Variants in IPO5 observed in about 807,000 individuals in gnomAD.
The protein encoded by IPO5 is importin-5.
A neutral mutation model predicts 143.3 loss-of-function variants in IPO5; 18 were observed. The ratio of observed to expected loss-of-function variants is 0.13; its 90% CI spans 0.09 to 0.19. IPO5 has a LOEUF of 0.19. IPO5 is among the 10% of genes least tolerant of loss of function. IPO5 has a pLI of 1.00. For synonymous variants in IPO5, 477 were observed against 465.7 expected (o/e 1.02, Z -0.31); for missense variants, 1,013 against 1,336.9 (o/e 0.76, Z 3.78).
intron 12 of IPO5, among the ~76,000 whole-genome samples, chr13:98,000,059 C>T (rs66700887): frequency 0.049 from 7,486 of 152,172 alleles, 455 homozygotes; most frequent in East Asian, 0.33. Flanking sequence ...CCCAGGCGGG[C>T]GCATCACAAA....
intron 13 of IPO5, 85 bp from the exon 14 acceptor site, chr13:98,002,382 A>T: frequency 7.4e-7 from 1 of 1,356,150 alleles, no homozygotes; most frequent in South Asian, 1.3e-5. Context: ...TCTTTTCCAA[A>T]TAAGAACTTT....
intron 2 of IPO5, among the ~76,000 whole-genome samples, chr13:97,956,521 C>A (rs1884475944): frequency 6.6e-6 from 1 of 152,152 alleles, no homozygotes; most frequent in Non-Finnish European, 1.5e-5. Context: ...CTTCCCTGGG[C>A]ACCCTATTTT....
rs564760944 is a variant in IPO5, at chr13:97,963,457, C to T, written c.-112-6266C>T. ...GAATCTCAGCTCACTGCAATCTCCG[C>T]CTCCTGGGTTCAAGCAATTCCCTTG... On this transcript the variant is annotated intron_variant, in intron 2 of 28. Coordinates refer to ENST00000651721, the MANE Select transcript of IPO5 (RefSeq NM_002271.6). 5.3e-5 allele frequency among the ~76,000 whole-genome samples: 8 copies of T among 151,768 alleles called. No individual in the cohort carries two copies. The East Asian group carries it at 1.6e-3, about 29-fold the overall frequency.
intron 12 of IPO5, among the ~76,000 whole-genome samples, chr13:97,998,119 G>A (rs960635871): frequency 6.6e-6 from 1 of 152,154 alleles, no homozygotes; most frequent in African/African-American, 2.4e-5. Flanking sequence ...GGGACTACAG[G>A]CACCTGCCAC....
rs1340219240 is a variant in IPO5, at chr13:98,010,266, TATATACATTTC to T, written c.2055+47_2055+57del. 3.2e-6 allele frequency: 5 copies of T among 1,569,856 alleles called. No individual in the cohort carries two copies. In the African/African-American group the frequency reaches 6.8e-5, roughly 21 times the overall value. ...TTTACTAAACTTTTATTTTACATCTTATATACATTTCATATGAGTGCTTTTAATAGCTGCTA... is the reference window on the plus strand; with the variant it reads ...TTTACTAAACTTTTATTTTACATCTTATATGAGTGCTTTTAATAGCTGCTA... On this transcript the variant is annotated intron_variant, in intron 20 of 28. Transcript: ENST00000651721.
intron 2 of IPO5, among the ~76,000 whole-genome samples, chr13:97,966,502 A>C (rs566487312): frequency 1.3e-5 from 2 of 152,132 alleles, no homozygotes; most frequent in African/African-American, 4.8e-5. Context: ...AATCCTCTCT[A>C]TATGTTGTTT....
At position 97,982,520 on chromosome 13, in the gene IPO5, C is replaced by A. The variant is rs1246259072; in HGVS notation, c.108C>A (p.Ile36=). The A allele has an allele frequency of 1.2e-6, 2 of 1,612,120 alleles. No individual in the cohort carries two copies. Among genetic ancestry groups the A allele is most frequent in the Non-Finnish European group, 1.7e-6 (2 of 1,178,648 alleles). ...CCATGCAGGAAACCTATGAGAATAT[C>A]CCAGGCCAGTCAAAGATCACATTCC... is the stretch of plus-strand genomic sequence containing the variant. ...RKQAEETYEN[I]PGQSKITFLL... The change falls in exon 5 of 29, where the codon ATC becomes ATA. Residue 36 remains isoleucine, a synonymous_variant. Coordinates refer to ENST00000651721, the MANE Select transcript of IPO5 (RefSeq NM_002271.6).
At chr13:97,986,779 G>T (rs952080341) in intron 6 of IPO5, among the ~76,000 whole-genome samples, 1 of 152,240 alleles carries the variant, frequency 6.6e-6, no homozygotes, top group East Asian at 1.9e-4. Context: ...TAATGTAATT[G>T]AACATGCTAC....
intron 16 of IPO5, 49 bp downstream of exon 16, chr13:98,003,086 G>C: frequency 6.9e-7 from 1 of 1,453,878 alleles, no homozygotes; most frequent in Non-Finnish European, 9.4e-7. Flanking sequence ...ATTAATTTGG[G>C]TTGATTTGAT....
At chr13:97,995,153 ATCTT>A (rs1404645253) in intron 11 of IPO5, among the ~76,000 whole-genome samples, 2 of 140,206 alleles carry the variant, frequency 1.4e-5, no homozygotes, top group African/African-American at 2.6e-5. Context: ...TTTCTGGGAT[ATCTT>A]TCTTTCATTC....
intron 2 of IPO5, among the ~76,000 whole-genome samples, chr13:97,955,151 C>T (rs751716496): frequency 6.6e-6 from 1 of 151,800 alleles, no homozygotes; most frequent in Non-Finnish European, 1.5e-5. Flanking sequence ...ATTCCTTGAG[C>T]TGGGGAGGTC....
chr13:98,002,821 G>T, intron 15 of IPO5, 43 bp from the exon 16 acceptor site: 1 of 1,599,282 alleles, frequency 6.3e-7, no homozygotes, highest in Non-Finnish European at 8.5e-7. Context: ...AGGAAGAAGG[G>T]TGGACATTTC....
chr13:98,016,037 A>C (rs559067182), intron 24 of IPO5, among the ~76,000 whole-genome samples: 5 of 152,364 alleles, frequency 3.3e-5, no homozygotes, highest in African/African-American at 1.2e-4. Flanking sequence ...GTTCATTTAC[A>C]TACTGCTCAC....
At chr13:97,998,404 A>G (rs188093600) in intron 12 of IPO5, among the ~76,000 whole-genome samples, 27 of 152,356 alleles carry the variant, frequency 1.8e-4, no homozygotes, top group Non-Finnish European at 3.2e-4. Flanking sequence ...ATGCTTTTAC[A>G]GGCAGAGACT....
chr13:97,982,358 G>T (rs142586026), intron 4 of IPO5, 145 bp from the exon 5 acceptor site: 39 of 604,498 alleles, frequency 6.5e-5, no homozygotes, highest in African/African-American at 6.0e-4. Flanking sequence ...CATATCTGAA[G>T]TGTATTTCAT....
chr13:97,959,458 G>A (rs1433044372), intron 2 of IPO5, among the ~76,000 whole-genome samples: 2 of 151,982 alleles, frequency 1.3e-5, no homozygotes, highest in Admixed American at 6.6e-5. Context: ...GGCAGGGCAC[G>A]GTGGCTCACG....
At chr13:98,005,078 G>A (rs1214182967) in intron 16 of IPO5, among the ~76,000 whole-genome samples, 1 of 151,544 alleles carries the variant, frequency 6.6e-6, no homozygotes, top group East Asian at 1.9e-4. Flanking sequence ...TGTATTTTGA[G>A]TGGAGACAGG....
rs111416149 is a variant in IPO5 at position 97,985,623 on chromosome 13, C to T, written c.364+10C>T. On this transcript the variant is annotated intron_variant, in intron 6 of 28. Transcript: ENST00000651721. The stretch of plus-strand genomic sequence containing the variant: ...GCCAGGAATTTAATAGGTGTGTATG[C>T]AGGTGCACTCATGTTACCAAGAACA... 175 of 1,593,290 alleles carry T rather than the reference C, an allele frequency of 1.1e-4. No homozygotes were observed. In the African/African-American group the frequency reaches 2.2e-3, roughly 20 times the overall value.
chr13:97,984,945 G>T (rs115787195), intron 5 of IPO5, among the ~76,000 whole-genome samples: 3 of 150,996 alleles, frequency 2.0e-5, no homozygotes, highest in Non-Finnish European at 4.4e-5. Context: ...TCGGGAACTC[G>T]TAATGTTTGT....
Sources: allele counts gnomAD v4.1 joint callset (sites outside exome capture counted in the v4.1 genomes callset), GRCh38; gene constraint gnomAD v4.1.1; transcripts MANE v1.5; gene names NCBI Gene and HGNC (gene_info 2026-07-23, HGNC 2026-07-21).